Variants in CACNA1A observed in about 807,000 individuals in gnomAD.
The protein encoded by CACNA1A is voltage-dependent P/Q-type calcium channel subunit alpha-1A.
CACNA1A carries 57 observed loss-of-function variants against 262.4 expected under a neutral mutation model. The observed-to-expected ratio is 0.22, with a 90% CI of 0.18 to 0.27. CACNA1A has a LOEUF of 0.27. Ranked by LOEUF, CACNA1A falls within the 10% of genes least tolerant of loss-of-function variation. CACNA1A has a pLI of 1.00. For missense variants in CACNA1A, 2,526 were observed against 3,562.8 expected, an observed-to-expected ratio of 0.71 and a Z score of 7.41; for synonymous variants, 1,431 against 1,419.3, an observed-to-expected ratio of 1.01 and a Z score of -0.18.
At position 13,297,702 on chromosome 19, in the gene CACNA1A, A is replaced by G. The variant is rs184003931; in HGVS notation, c.3089+842T>C. On this transcript the variant is annotated intron_variant, in intron 19 of 46. Transcript: ENST00000360228. Reference sequence around the variant, plus strand: ...GCATGTGGCACATGTCTGTGGTCCCAGCTACTTGTGAGGCTGAGGCGGATG... The same window carrying G: ...GCATGTGGCACATGTCTGTGGTCCCGGCTACTTGTGAGGCTGAGGCGGATG... Among the ~76,000 whole-genome samples, 5 of 152,262 alleles carry G rather than the reference A, an allele frequency of 3.3e-5. No homozygotes were observed. In the East Asian group the frequency reaches 9.7e-4, roughly 29 times the overall value.
intron 10 of CACNA1A, among the ~76,000 whole-genome samples, chr19:13,325,491 C>G (rs563263455): frequency 1.7e-4 from 26 of 152,326 alleles, no homozygotes; most frequent in Non-Finnish European, 3.5e-4. Context: ...CTCTATCACC[C>G]AGGCTGGAGT....
intron 10 of CACNA1A, among the ~76,000 whole-genome samples, chr19:13,325,476 G>C (rs555465063): frequency 6.6e-6 from 1 of 152,176 alleles, no homozygotes; most frequent in South Asian, 2.1e-4. Context: ...ATAAATAAAG[G>C]CTCACTCTAT....
chr19:13,239,734 C>T (rs902272596), intron 31 of CACNA1A, among the ~76,000 whole-genome samples: 2 of 151,508 alleles, frequency 1.3e-5, no homozygotes, highest in African/African-American at 4.9e-5. Flanking sequence ...GAGATGTGTG[C>T]AGTATGTACT....
Position 13,299,138 on chromosome 19 carries a change from T to C in CACNA1A, c.2495A>G (p.Asn832Ser), listed in dbSNP as rs2057736423. ...CGCCCGGCTCTTGTTGGTGTTGTTG[T>C]TGCGGTTCTCCTGCGGGTCCACCAC... ...PLVVDPQENRNNNTNKSRAAE... is the reference protein window; with the variant it reads ...PLVVDPQENRSNNTNKSRAAE... The change falls in exon 19 of 47, where the codon AAC becomes AGC. Residue 832 changes from asparagine to serine, a missense_variant. By Grantham distance (46) the Asn-to-Ser change is conservative (BLOSUM62 1). Around this residue, in one of 17 missense-constraint regions of CACNA1A, gnomAD observed 765 missense variants for 748.6 expected, o/e 1.02. Transcript: ENST00000360228. 6 of 1,613,298 alleles carry C rather than the reference T, an allele frequency of 3.7e-6. No individual in the cohort carries two copies. The highest frequency in any genetic ancestry group is 4.2e-6 in the Non-Finnish European group (5 of 1,179,838).
chr19:13,436,369 T>C (rs2060611079), intron 3 of CACNA1A, among the ~76,000 whole-genome samples: 1 of 152,172 alleles, frequency 6.6e-6, no homozygotes, highest in African/African-American at 2.4e-5. Context: ...GGGCAGTCCC[T>C]GTTTTTCTCC....
rs201343124 is a variant in CACNA1A, at chr19:13,212,824, G to GTA, written c.5941-86_5941-85dup. 9.1e-5 allele frequency: 51 copies of GTA among 563,268 alleles called. No individual in the cohort carries two copies. Among genetic ancestry groups the GTA allele is most frequent in the Middle Eastern group, 9.1e-4 (2 of 2,194 alleles). 34.9% of individuals were successfully genotyped at this position (563,268 alleles called of 1,614,324 possible). A position where few individuals can be genotyped will look rare whatever the true frequency, so the allele number is the denominator to read the frequency against. ...CCCAGAAGGCATTGCGACATCCCCA[G>GTA]TATACACACACACACACACACACAC... On this transcript the variant is annotated intron_variant, in intron 40 of 46. Coordinates refer to ENST00000360228, the MANE Select transcript of CACNA1A (RefSeq NM_001127222.2). The surrounding 1 kb of genome is among the most constrained non-coding windows in gnomAD (Gnocchi z 5.6).
In CACNA1A at chr19:13,207,865, CTG is replaced by C. The variant is rs2054625018; in HGVS notation, c.6967_6968del (p.Gln2323AlafsTer179). ...QQQQQQQQQQ[Q>X]QQAVARPGRA... ...GGCCCGGCCTGGCCACCGCCTGCTG[CTG>C]CTGCTGCTGCTGCTGCTGCTGCTGC... On this transcript the variant is annotated frameshift_variant, in exon 47 of 47. Coordinates refer to ENST00000360228, the MANE Select transcript of CACNA1A (RefSeq NM_001127222.2). LOFTEE classifies it low-confidence loss of function (END_TRUNC). This position sits in a 1 kb window ranked among gnomAD's most constrained non-coding sequence, Gnocchi z 5.7. The C allele has an allele frequency of 2.6e-5, 19 of 742,092 alleles. No homozygotes were observed. The highest frequency in any genetic ancestry group is 2.8e-5 in the Non-Finnish European group (16 of 579,220). 46.0% of individuals were successfully genotyped at this position (742,092 alleles called of 1,614,324 possible).
intron 1 of CACNA1A, among the ~76,000 whole-genome samples, chr19:13,459,643 A>G (rs1397586512): frequency 6.6e-6 from 1 of 152,202 alleles, no homozygotes; most frequent in African/African-American, 2.4e-5. Context: ...CAGAGCAGCA[A>G]CGCCAAGCCC....
Position 13,477,562 on chromosome 19 carries a change from T to A in CACNA1A, c.294-22350A>T, listed in dbSNP as rs1478866862. Among the ~76,000 whole-genome samples, 4 of 152,328 alleles carry A rather than the reference T, an allele frequency of 2.6e-5. No individual in the cohort carries two copies. The East Asian group carries it at 7.7e-4, about 29-fold the overall frequency. Reference sequence around the variant, plus strand: ...GGTATGCAGCAGCAAACTGTCTGAATTCACAGCCCAAACTCAACACAGCGA... The same window carrying A: ...GGTATGCAGCAGCAAACTGTCTGAAATCACAGCCCAAACTCAACACAGCGA... On this transcript the variant is annotated intron_variant, in intron 1 of 46. Coordinates refer to ENST00000360228, the MANE Select transcript of CACNA1A (RefSeq NM_001127222.2).
At chr19:13,311,866 A>T (rs1056942420) in intron 12 of CACNA1A, among the ~76,000 whole-genome samples, 1 of 150,818 alleles carries the variant, frequency 6.6e-6, no homozygotes, top group African/African-American at 2.4e-5. Flanking sequence ...AAAAAATAAA[A>T]AAAAATAAAT....
At position 13,241,937 on chromosome 19, in the gene CACNA1A, C is replaced by T. The variant is rs545613425; in HGVS notation, c.4950+3245G>A. 7.5e-4 allele frequency among the ~76,000 whole-genome samples: 114 copies of T among 152,286 alleles called. No individual in the cohort carries two copies. The highest frequency in any genetic ancestry group is 2.7e-3 in the African/African-American group (111 of 41,570). On this transcript the variant is annotated intron_variant, in intron 31 of 46. Coordinates refer to ENST00000360228, the MANE Select transcript of CACNA1A (RefSeq NM_001127222.2). The surrounding 1 kb of genome is among the most constrained non-coding windows in gnomAD (Gnocchi z 4.0). ...AGTACTGCCGCATGCCCTCTGCCCC[C>T]TAAACCCCAGGGACCTGCCCGCCCA... is the stretch of plus-strand genomic sequence containing the variant.
intron 1 of CACNA1A, among the ~76,000 whole-genome samples, chr19:13,467,089 G>A (rs768233998): frequency 7.9e-5 from 12 of 151,980 alleles, no homozygotes; most frequent in Non-Finnish European, 1.6e-4. Context: ...AATGAGCCCT[G>A]TTTCTGTCTG....
intron 3 of CACNA1A, among the ~76,000 whole-genome samples, chr19:13,406,242 C>T (rs2059999556): frequency 6.6e-6 from 1 of 151,370 alleles, no homozygotes; most frequent in South Asian, 2.1e-4. Context: ...ATCACTTGAG[C>T]CCAGGAGCTC....
rs995419579 is a variant in CACNA1A, at chr19:13,307,298, G to A, written c.1986+484C>T. 9.8e-5 allele frequency: 15 copies of A among 153,046 alleles called. 1 individual carries two copies. The highest frequency in any genetic ancestry group is 1.7e-4 in the African/African-American group (7 of 41,414). 9.5% of individuals were successfully genotyped at this position (153,046 alleles called of 1,614,324 possible). On this transcript the variant is annotated intron_variant, in intron 15 of 46. Transcript: ENST00000360228. ...TGCCCAGGCTGGAGTGCAGTGGCGC[G>A]ATCTTGGCTCACTGCAACCTCTGCC...
intron 6 of CACNA1A, among the ~76,000 whole-genome samples, chr19:13,349,265 C>A (rs1031016668): frequency 1.3e-5 from 2 of 152,156 alleles, no homozygotes; most frequent in African/African-American, 4.8e-5. Context: ...ATGCCAGGCA[C>A]ACAGAAGCCC....
At position 13,456,099 on chromosome 19, in the gene CACNA1A, G is replaced by A. The variant is rs186602178; in HGVS notation, c.294-887C>T. On this transcript the variant is annotated intron_variant, in intron 1 of 46. Transcript: ENST00000360228. ...TGGGAGGTGGAGGTTGCAGTGAGCC[G>A]AGATCATGCCACTGCACTCTAGCCT... 2.3e-4 allele frequency among the ~76,000 whole-genome samples: 34 copies of A among 150,194 alleles called. No individual in the cohort carries two copies. In the East Asian group the frequency reaches 5.5e-3, roughly 24 times the overall value.
chr19:13,237,236 C>T (rs552342595), intron 31 of CACNA1A, among the ~76,000 whole-genome samples: 7 of 152,218 alleles, frequency 4.6e-5, no homozygotes, highest in South Asian at 4.2e-4. Flanking sequence ...AACCCTCCTT[C>T]GCTGGCCAGT....
At chr19:13,229,961 T>C in intron 36 of CACNA1A, 121 bp downstream of exon 36, 1 of 1,121,402 alleles carries the variant, frequency 8.9e-7, no homozygotes, top group Admixed American at 2.6e-5. Flanking sequence ...ACTGAACCTG[T>C]GAGACCCCTG....
rs1191928509 is a variant in CACNA1A at position 13,207,342 on chromosome 19, A to G, written c.7492T>C (p.Tyr2498His). 6.4e-7 allele frequency: 1 copy of G among 1,561,106 alleles called. No homozygotes were observed. The highest frequency in any genetic ancestry group is 8.6e-7 in the Non-Finnish European group (1 of 1,160,942). ...CACCAATCATCGTCACTCTCGCTGT[A>G]GGGTTCGTGCAGGCCCTTCCTGGAG... ...PGSRKGLHEP[Y>H]SESDDDWC Residue 2498 changes from tyrosine (Y) to histidine (H), a missense_variant, in exon 47 of 47, where the codon TAC becomes CAC. Tyr to His is a moderately conservative substitution (Grantham distance 83). This residue lies in a region of CACNA1A where 929 missense variants were observed against 868.1 expected (regional missense o/e 1.07). Coordinates refer to ENST00000360228, the MANE Select transcript of CACNA1A (RefSeq NM_001127222.2). The surrounding 1 kb of genome is among the most constrained non-coding windows in gnomAD (Gnocchi z 5.7).
Sources: gnomAD v4.1 joint callset for allele counts (sites outside exome capture counted in the v4.1 genomes callset) on GRCh38, gnomAD v4.1.1 for gene constraint, gnomAD v4.1.1 regional missense constraint, Gnocchi (gnomAD v3.1) non-coding constraint, MANE v1.5 for transcripts, NCBI Gene and HGNC (gene_info 2026-07-23, HGNC 2026-07-21) for gene names.